The following PHIP variants were observed in gnomAD, a reference collection of about 807,000 sequenced individuals.
PHIP encodes PH-interacting protein.
PHIP carries 54 observed loss-of-function variants against 236.8 expected under a neutral mutation model. The ratio of observed to expected loss-of-function variants is 0.23; its 90% CI spans 0.18 to 0.29. The LOEUF is 0.29. Ranked by LOEUF, PHIP falls within the 10% of genes least tolerant of loss-of-function variation. PHIP has a pLI of 1.00. For synonymous variants in PHIP, 756 were observed against 718.9 expected (o/e 1.05, Z -0.83); for missense variants, 1,370 against 2,190.8 (o/e 0.63, Z 7.48).
intron 29 of PHIP, among the ~76,000 whole-genome samples, chr6:78,964,672 T>C (rs986170877): frequency 1.3e-4 from 20 of 152,222 alleles, no homozygotes; most frequent in Non-Finnish European, 2.2e-4. Flanking sequence ...TTTGTATTTT[T>C]AGTTGAGACG....
chr6:79,001,704 T>C (rs151001064), intron 17 of PHIP, among the ~76,000 whole-genome samples, 195 bp downstream of exon 17: 1 of 152,216 alleles, frequency 6.6e-6, no homozygotes, highest in African/African-American at 2.4e-5. Context: ...TAAATCAAAA[T>C]TATTACTGTA....
In PHIP at chr6:78,984,759, G is replaced by C. The variant is rs113846239; in HGVS notation, c.2537+593C>G. Among the ~76,000 whole-genome samples the C allele has an allele frequency of 5.2e-3, 794 of 152,124 alleles. 11 individuals carry two copies. Among genetic ancestry groups the C allele is most frequent in the African/African-American group, 0.018 (748 of 41,498 alleles). ...CAGCCTCTACTTCATACTTTGTCTC[G>C]TCTATTTTAAGAGCCACTAAGGTGG... On this transcript the variant is annotated intron_variant, in intron 22 of 39. Coordinates refer to ENST00000275034, the MANE Select transcript of PHIP (RefSeq NM_017934.7).
intron 6 of PHIP, among the ~76,000 whole-genome samples, chr6:79,051,780 C>G (rs1772806702): frequency 6.6e-6 from 1 of 152,070 alleles, no homozygotes; most frequent in Non-Finnish European, 1.5e-5. Context: ...TATTTTATTT[C>G]CTGGAAACCA....
At chr6:79,033,213 T>C (rs1771758237) in intron 7 of PHIP, among the ~76,000 whole-genome samples, 1 of 152,152 alleles carries the variant, frequency 6.6e-6, no homozygotes, top group Non-Finnish European at 1.5e-5. Context: ...GTCCTAGAAT[T>C]TAAAAAATGG....
At position 78,998,378 on chromosome 6, in the gene PHIP, A is replaced by G; in HGVS notation, c.1893T>C (p.Val631=). 1 of 1,613,650 alleles carries G rather than the reference A, an allele frequency of 6.2e-7. No individual in the cohort carries two copies. Among genetic ancestry groups the G allele is most frequent in the Non-Finnish European group, 8.5e-7 (1 of 1,179,670 alleles). ...TCTCCTGGTTTGCTTGCTGACTTAA[A>G]ACTTGATTCAGTCCTATACAATACC... is the stretch of plus-strand genomic sequence containing the variant. ...MGVTSSGLNQ[V]LSQQANQEIS... is the part of the protein sequence containing the mutation. Residue 631 remains valine (V), a synonymous_variant, in exon 18 of 40, where the codon GTT becomes GTC. Transcript: ENST00000275034.
intron 19 of PHIP, among the ~76,000 whole-genome samples, chr6:78,992,243 G>A (rs538742298): frequency 6.8e-4 from 103 of 152,114 alleles, no homozygotes; most frequent in African/African-American, 2.3e-3. Context: ...GATTACAGGT[G>A]TGAGCCACCG....
intron 35 of PHIP, 93 bp downstream of exon 35, chr6:78,954,721 T>C: frequency 1.3e-6 from 1 of 763,216 alleles, no homozygotes; most frequent in East Asian, 3.0e-5. Flanking sequence ...AGAAATAAAC[T>C]ATAATCATAA....
chr6:79,031,305 A>G (rs1771662123), intron 7 of PHIP, among the ~76,000 whole-genome samples: 1 of 152,190 alleles, frequency 6.6e-6, no homozygotes, highest in South Asian at 2.1e-4. Flanking sequence ...TAATATTATC[A>G]TTTGTTTATA....
intron 24 of PHIP, among the ~76,000 whole-genome samples, chr6:78,972,477 T>C (rs954181919): frequency 6.6e-5 from 10 of 152,248 alleles, no homozygotes; most frequent in African/African-American, 2.4e-4. Context: ...GCACCTCTCC[T>C]CCTCCAAAGG....
chr6:79,025,740 A>C (rs1771368986), intron 8 of PHIP, 121 bp from the exon 9 acceptor site: 2 of 735,316 alleles, frequency 2.7e-6, no homozygotes, highest in East Asian at 2.5e-5. Context: ...GAATTTACCA[A>C]GGTTATGTTA....
chr6:79,065,764 C>CCCCA (rs1491391054), intron 4 of PHIP, among the ~76,000 whole-genome samples: 52 of 143,470 alleles, frequency 3.6e-4, no homozygotes, highest in African/African-American at 1.3e-3. Context: ...CTTAACTATA[C>CCCCA]CACACACACA....
chr6:78,971,213 T>C (rs764805734), intron 24 of PHIP, among the ~76,000 whole-genome samples: 1 of 152,198 alleles, frequency 6.6e-6, no homozygotes, highest in Non-Finnish European at 1.5e-5. Context: ...TCCACTTTTG[T>C]TGTTAACTTT....
chr6:78,973,206 G>A (rs997545366), intron 24 of PHIP, among the ~76,000 whole-genome samples: 1 of 152,206 alleles, frequency 6.6e-6, no homozygotes, highest in African/African-American at 2.4e-5. Flanking sequence ...AGCCAGAAGA[G>A]AGTGGGGGCC....
intron 4 of PHIP, among the ~76,000 whole-genome samples, chr6:79,075,314 T>C (rs150746708): frequency 1.3e-5 from 2 of 152,196 alleles, no homozygotes; most frequent in African/African-American, 4.8e-5. Flanking sequence ...ATCCAGTAGA[T>C]ATAGAGTAAG....
chr6:78,970,956 C>G (rs1380066319), intron 24 of PHIP, 68 bp from the exon 25 acceptor site: 1 of 1,034,590 alleles, frequency 9.7e-7, no homozygotes, highest in Admixed American at 2.9e-5. Flanking sequence ...AGGGTATCAG[C>G]TGAAATTGCA....
chr6:79,018,574 T>C (rs1770950552), intron 10 of PHIP, among the ~76,000 whole-genome samples: 1 of 152,062 alleles, frequency 6.6e-6, no homozygotes, highest in Non-Finnish European at 1.5e-5. Flanking sequence ...TACCCTAACA[T>C]CCATTCAAAA....
chr6:79,072,975 C>T (rs1773961182), intron 4 of PHIP, among the ~76,000 whole-genome samples: 3 of 152,132 alleles, frequency 2.0e-5, no homozygotes, highest in African/African-American at 7.2e-5. Flanking sequence ...CCAGTTATTA[C>T]TCACAGACCA....
intron 2 of PHIP, 52 bp downstream of exon 2, chr6:79,077,803 C>T (rs1179086535): frequency 1.9e-5 from 21 of 1,087,066 alleles, no homozygotes; most frequent in Non-Finnish European, 2.1e-5. Context: ...CTCCCTCCCC[C>T]ACGCCCGCGA....
chr6:78,955,550 C>A (rs565571537), intron 33 of PHIP, 63 bp downstream of exon 33: 3 of 613,324 alleles, frequency 4.9e-6, no homozygotes, highest in African/African-American at 1.9e-5. Context: ...CTGAAAACTA[C>A]AATATGTAAA....
Sources: allele counts gnomAD v4.1 joint callset (sites outside exome capture counted in the v4.1 genomes callset), GRCh38; gene constraint gnomAD v4.1.1; transcripts MANE v1.5; gene names NCBI Gene and HGNC (gene_info 2026-07-23, HGNC 2026-07-21).